The following RIMBP2 variants were observed in gnomAD, a reference collection of about 807,000 sequenced individuals.
The protein encoded by RIMBP2 is RIMS binding protein 2, also known as RIMS-binding protein 2.
RIMBP2 carries 48 observed loss-of-function variants against 118.6 expected under a neutral mutation model. The ratio of observed to expected loss-of-function variants is 0.40; its 90% CI spans 0.32 to 0.51. RIMBP2 has a LOEUF of 0.51. RIMBP2 is among the 20% of genes least tolerant of loss of function. The probability of loss-of-function intolerance (pLI) is 0.41; values close to 1 mark genes in which losing one functional copy is unlikely to be tolerated. For missense variants in RIMBP2, 1,551 were observed against 1,768.3 expected, an observed-to-expected ratio of 0.88 and a Z score of 2.20; for synonymous variants, 762 against 742.9, an observed-to-expected ratio of 1.03 and a Z score of -0.42.
chr12:130,438,325 G>A (rs2292665), intron 12 of RIMBP2, 40 bp downstream of exon 12: 119,080 of 1,380,598 alleles, frequency 0.086, 8,876 homozygotes, highest in East Asian at 0.19. Flanking sequence ...GCTGCGTTAG[G>A]GCCTAACAAA....
intron 1 of RIMBP2, among the ~76,000 whole-genome samples, chr12:130,677,936 C>T (rs930091804): frequency 6.6e-6 from 1 of 152,272 alleles, no homozygotes; most frequent in Non-Finnish European, 1.5e-5. Context: ...CCGCAGAAGG[C>T]ACCCCTCCTC....
intron 1 of RIMBP2, among the ~76,000 whole-genome samples, chr12:130,665,444 G>C (rs930271203): frequency 6.6e-6 from 1 of 151,302 alleles, no homozygotes; most frequent in Non-Finnish European, 1.5e-5. Context: ...AGAATCACTC[G>C]AACCCGGGAG....
At chr12:130,463,568 G>A (rs537576024) in intron 6 of RIMBP2, among the ~76,000 whole-genome samples, 5 of 152,284 alleles carry the variant, frequency 3.3e-5, no homozygotes, top group East Asian at 3.9e-4. Context: ...ATAAGCAGGC[G>A]CTGTGCTGGC....
chr12:130,624,900 T>C (rs1283141458), intron 2 of RIMBP2, among the ~76,000 whole-genome samples: 1 of 152,126 alleles, frequency 6.6e-6, no homozygotes, highest in Non-Finnish European at 1.5e-5. Context: ...AATTTTTGTA[T>C]TTTTAGTAGA....
At chr12:130,403,352 CTATAA>C (rs1166941535) in intron 21 of RIMBP2, among the ~76,000 whole-genome samples, 2 of 152,066 alleles carry the variant, frequency 1.3e-5, no homozygotes, top group African/African-American at 4.8e-5. Context: ...CTGATTCCCA[CTATAA>C]TATAAAAACT....
intron 6 of RIMBP2, among the ~76,000 whole-genome samples, chr12:130,461,166 C>T (rs2079955909): frequency 6.6e-6 from 1 of 152,188 alleles, no homozygotes; most frequent in East Asian, 1.9e-4. Context: ...CACTGCCCTG[C>T]TTCTCTCGAG....
At position 130,652,628 on chromosome 12, in the gene RIMBP2, A is replaced by C. The variant is rs111847035; in HGVS notation, c.-351-24172T>G. ...ATCTCAGTGGTCTTGCAGGGCTCTT[A>C]GGTTTTGCCATATGTATTATATTGT... On this transcript the variant is annotated intron_variant, in intron 1 of 22. Transcript: ENST00000690449. 3.4e-3 allele frequency among the ~76,000 whole-genome samples: 511 copies of C among 152,232 alleles called. 2 individuals are homozygous for C. The highest frequency in any genetic ancestry group is 6.3e-3 in the Admixed American group (97 of 15,292).
Position 130,494,752 on chromosome 12 carries a change from C to T in RIMBP2, c.-4+11896G>A, listed in dbSNP as rs1048389812. On this transcript the variant is annotated intron_variant, in intron 4 of 22. Coordinates refer to ENST00000690449, the MANE Select transcript of RIMBP2 (RefSeq NM_001393629.1). ...TGTGTGCTGGTTACTCAGGACACAC[C>T]CTCTTCCCTGCTGTCCAGAGCACTT... 4.6e-5 allele frequency among the ~76,000 whole-genome samples: 7 copies of T among 152,182 alleles called. No homozygotes were observed. In the East Asian group the frequency reaches 1.3e-3, roughly 29 times the overall value.
chr12:130,610,094 G>A (rs372521313), intron 2 of RIMBP2, among the ~76,000 whole-genome samples: 1 of 152,114 alleles, frequency 6.6e-6, no homozygotes, highest in South Asian at 2.1e-4. Context: ...CAACCATCAC[G>A]GGGGGAAAAT....
At chr12:130,429,210 CAGA>C (rs1172374430) in intron 14 of RIMBP2, 1 of 152,334 alleles carries the variant, frequency 6.6e-6, no homozygotes, top group Non-Finnish European at 1.5e-5. Flanking sequence ...AGCCACCGCA[CAGA>C]CTGTGTGCTT....
rs982652460 is a variant in RIMBP2, at chr12:130,617,929, C to T, written c.-217+10393G>A. ...TAACTCGGCCGGGTGTGGTGGCCCA[C>T]GCCTGTAATCCCAGTACCTTGGGAC... On this transcript the variant is annotated intron_variant, in intron 2 of 22. Transcript: ENST00000690449. This position sits in a 1 kb window ranked among gnomAD's most constrained non-coding sequence, Gnocchi z 4.6. 1.4e-5 allele frequency among the ~76,000 whole-genome samples: 2 copies of T among 144,858 alleles called. No homozygotes were observed. Among genetic ancestry groups the T allele is most frequent in the African/African-American group, 5.1e-5 (2 of 39,354 alleles).
intron 1 of RIMBP2, among the ~76,000 whole-genome samples, chr12:130,676,454 C>T (rs1379981635): frequency 1.3e-5 from 2 of 151,748 alleles, no homozygotes; most frequent in African/African-American, 4.8e-5. Flanking sequence ...GAAACCCCAT[C>T]TCTACTAAAA....
In RIMBP2 at chr12:130,536,703, A is replaced by T. The variant is rs141347596; in HGVS notation, c.-216-18786T>A. 1.9e-3 allele frequency among the ~76,000 whole-genome samples: 284 copies of T among 152,320 alleles called. 1 individual carries two copies. Among genetic ancestry groups the T allele is most frequent in the Middle Eastern group, 0.01 (3 of 294 alleles). ...TTAATTTTAAGTTTAATTTAAGTCA[A>T]ATAAAATCCCAGTATGTAGAGCTTA... On this transcript the variant is annotated intron_variant, in intron 2 of 22. Transcript: ENST00000690449.
chr12:130,649,754 C>T (rs1225799461), intron 1 of RIMBP2, among the ~76,000 whole-genome samples: 1 of 152,092 alleles, frequency 6.6e-6, no homozygotes, highest in Non-Finnish European at 1.5e-5. Context: ...CTCCCTGCCC[C>T]CTGCTCACAG....
chr12:130,711,942 G>T (rs1263495882), intron 1 of RIMBP2, among the ~76,000 whole-genome samples: 1 of 152,270 alleles, frequency 6.6e-6, no homozygotes, highest in South Asian at 2.1e-4. Context: ...TGTGCAGCCC[G>T]TGACTGTACT....
chr12:130,520,397 C>A (rs2051956351), intron 2 of RIMBP2, among the ~76,000 whole-genome samples: 1 of 152,000 alleles, frequency 6.6e-6, no homozygotes, highest in Non-Finnish European at 1.5e-5. Flanking sequence ...GCACACCCTA[C>A]CCTAAAAAAG....
At chr12:130,546,476 A>C (rs2055179742) in intron 2 of RIMBP2, among the ~76,000 whole-genome samples, 1 of 151,936 alleles carries the variant, frequency 6.6e-6, no homozygotes, top group South Asian at 2.1e-4. Flanking sequence ...TTGTATTTTT[A>C]GTAGAGATGG....
At chr12:130,657,737 C>CG (rs1160421417) in intron 1 of RIMBP2, 1 of 66,766 alleles carries the variant, frequency 1.5e-5, no homozygotes, top group Non-Finnish European at 3.9e-5. Context: ...GCCCCAGCTG[C>CG]GGGGGGCAGT....
intron 2 of RIMBP2, among the ~76,000 whole-genome samples, chr12:130,556,343 C>A (rs1593783937): frequency 6.6e-6 from 1 of 152,274 alleles, no homozygotes; most frequent in East Asian, 1.9e-4. Flanking sequence ...GCCCTAGAGA[C>A]CGATGATTCA....
Sources: gnomAD v4.1 joint callset for allele counts (sites outside exome capture counted in the v4.1 genomes callset) on GRCh38, gnomAD v4.1.1 for gene constraint, Gnocchi (gnomAD v3.1) non-coding constraint, MANE v1.5 for transcripts, NCBI Gene and HGNC (gene_info 2026-07-23, HGNC 2026-07-21) for gene names.